AFG2A: variants seen among roughly 807,000 people sequenced by gnomAD.
AFG2A encodes ATPase family gene 2 protein homolog A.
the AFG2A span, among the ~76,000 whole-genome samples, chr4:123,067,569 A>G: frequency 6.7e-6 from 1 of 149,022 alleles, no homozygotes; most frequent in African/African-American, 2.5e-5. Context: ...CATGCCTACC[A>G]TTTGGAACTT....
the AFG2A span, among the ~76,000 whole-genome samples, chr4:123,225,749 A>C: frequency 6.6e-6 from 1 of 152,214 alleles, no homozygotes; most frequent in African/African-American, 2.4e-5. Context: ...TCTGTGAAGA[A>C]AGTCATTGGT....
At chr4:123,082,190 A>G in the AFG2A span, among the ~76,000 whole-genome samples, 6 of 152,096 alleles carry the variant, frequency 3.9e-5, no homozygotes, top group Non-Finnish European at 8.8e-5. Flanking sequence ...CATTGTACCT[A>G]AATAGTCATT....
At chr4:123,087,537 C>G in the AFG2A span, among the ~76,000 whole-genome samples, 1 of 152,220 alleles carries the variant, frequency 6.6e-6, no homozygotes, top group East Asian at 1.9e-4. Context: ...TTCCTCCTGC[C>G]AGAAGCACAG....
chr4:123,314,133 G>A, the AFG2A span: 4 of 1,381,354 alleles, frequency 2.9e-6, no homozygotes, highest in Non-Finnish European at 3.8e-6. Context: ...AAAATTTTTT[G>A]AGAGTGTTAA....
chr4:123,257,897 C>G, the AFG2A span, among the ~76,000 whole-genome samples: 3 of 152,182 alleles, frequency 2.0e-5, no homozygotes, highest in African/African-American at 7.2e-5. Context: ...CAGTGAGATT[C>G]TATCTGGCTA....
At chr4:122,950,398 G>A in the AFG2A span, among the ~76,000 whole-genome samples, 2 of 149,796 alleles carry the variant, frequency 1.3e-5, no homozygotes, top group African/African-American at 2.5e-5. Flanking sequence ...GGAGCGCAAT[G>A]GCGCGATCTC....
chr4:123,137,054 C>A, the AFG2A span, among the ~76,000 whole-genome samples: 30 of 152,204 alleles, frequency 2.0e-4, no homozygotes, highest in Middle Eastern at 6.8e-3. Flanking sequence ...GAGCACACAA[C>A]GTAGATACCT....
At chr4:123,241,640 T>A in the AFG2A span, among the ~76,000 whole-genome samples, 4 of 152,078 alleles carry the variant, frequency 2.6e-5, no homozygotes, top group African/African-American at 9.7e-5. Flanking sequence ...CTCAAAATAA[T>A]AAGAGCTATT....
chr4:122,965,901 A>T, the AFG2A span, among the ~76,000 whole-genome samples: 1 of 152,212 alleles, frequency 6.6e-6, no homozygotes, highest in Admixed American at 6.5e-5. Flanking sequence ...ATTTTAAGTT[A>T]TTTAAATTTG....
At chr4:122,973,769 C>T in the AFG2A span, among the ~76,000 whole-genome samples, 186 of 152,290 alleles carry the variant, frequency 1.2e-3, no homozygotes, top group African/African-American at 4.4e-3. Flanking sequence ...TGGCTCACTG[C>T]GGTCTTGACT....
chr4:123,275,299 C>T, the AFG2A span, among the ~76,000 whole-genome samples: 1 of 152,050 alleles, frequency 6.6e-6, no homozygotes, highest in Non-Finnish European at 1.5e-5. Context: ...GCAATGTTTG[C>T]ATAAAGTTCT....
chr4:123,225,486 G>GT, the AFG2A span, among the ~76,000 whole-genome samples: 1 of 152,118 alleles, frequency 6.6e-6, no homozygotes, highest in East Asian at 1.9e-4. Flanking sequence ...CCCATTTCTT[G>GT]TTTTTGTCAG....
At chr4:123,007,450 GT>G in the AFG2A span, among the ~76,000 whole-genome samples, 3 of 150,698 alleles carry the variant, frequency 2.0e-5, no homozygotes, top group African/African-American at 7.3e-5. Flanking sequence ...TTTTCTCTTT[GT>G]TTGAATCCCC....
At chr4:123,012,200 G>A in the AFG2A span, among the ~76,000 whole-genome samples, 55,943 of 131,890 alleles carry the variant, frequency 0.42, 14,656 homozygotes, top group Non-Finnish European at 0.56. Context: ...GGTGGGGGGC[G>A]CTTGTCCCCC....
the AFG2A span, among the ~76,000 whole-genome samples, chr4:123,261,791 T>C: frequency 3.3e-5 from 5 of 152,142 alleles, no homozygotes; most frequent in East Asian, 9.6e-4. Context: ...GTTATTTTAT[T>C]TTTTTAGAGA....
the AFG2A span, among the ~76,000 whole-genome samples, chr4:123,179,921 C>G: frequency 3.3e-5 from 5 of 151,980 alleles, no homozygotes; most frequent in Non-Finnish European, 5.9e-5. Context: ...TAATAAAGAA[C>G]TTAGTAGTAT....
chr4:123,059,588 AT>A, the AFG2A span, among the ~76,000 whole-genome samples: 1 of 151,534 alleles, frequency 6.6e-6, no homozygotes, highest in Non-Finnish European at 1.5e-5. Flanking sequence ...AGTCTTTGCT[AT>A]TGTGAATAGT....
chr4:122,988,863 T>C, the AFG2A span, among the ~76,000 whole-genome samples: 9 of 152,174 alleles, frequency 5.9e-5, no homozygotes, highest in African/African-American at 1.9e-4. Context: ...AGAAGATCTG[T>C]GTTTGAGTTT....
the AFG2A span, among the ~76,000 whole-genome samples, chr4:123,056,099 G>GTAGTGTAAA: frequency 6.6e-6 from 1 of 152,288 alleles, no homozygotes; most frequent in Admixed American, 6.5e-5. Context: ...CACCACATCT[G>GTAGTGTAAA]ATATAGTGTA....
Sources: gnomAD v4.1 joint callset for allele counts (sites outside exome capture counted in the v4.1 genomes callset) on GRCh38, gnomAD v4.1.1 for gene constraint, MANE v1.5 for transcripts, NCBI Gene and HGNC (gene_info 2026-07-23, HGNC 2026-07-21) for gene names.